Variants in SEPTIN14 observed in about 807,000 individuals in gnomAD.
SEPTIN14 encodes septin 14, also known as septin-14.
A neutral mutation model predicts 53.6 loss-of-function variants in SEPTIN14; 40 were observed. The observed-to-expected ratio is 0.75, with a 90% CI of 0.58 to 0.97. The LOEUF is 0.97. Ranked by LOEUF, SEPTIN14 falls within the 50% of genes least tolerant of loss-of-function variation. SEPTIN14 has a pLI of 0.00. For missense variants in SEPTIN14, 471 were observed against 508.2 expected, an observed-to-expected ratio of 0.93 and a Z score of 0.70; for synonymous variants, 138 against 166.8, an observed-to-expected ratio of 0.83 and a Z score of 1.33.
intron 2 of SEPTIN14, among the ~76,000 whole-genome samples, chr7:55,851,415 G>GT (rs572803494): frequency 1.3e-3 from 188 of 146,396 alleles, no homozygotes; most frequent in Middle Eastern, 3.6e-3. Flanking sequence ...ACTGCATGGA[G>GT]TTTTTTTTTT....
intron 7 of SEPTIN14, among the ~76,000 whole-genome samples, chr7:55,816,676 G>A (rs1250477489): frequency 4.0e-5 from 6 of 151,538 alleles, no homozygotes; most frequent in East Asian, 1.9e-4. Context: ...GCTTGGTGGC[G>A]CATGCCTGTA....
intron 6 of SEPTIN14, among the ~76,000 whole-genome samples, chr7:55,830,349 A>ATATATTTTTT (rs71015108): frequency 2.5e-4 from 14 of 56,836 alleles, no homozygotes; most frequent in East Asian, 6.1e-4. Context: ...ATATATATAT[A>ATATATTTTTT]TTTTTTTTTT....
At chr7:55,809,309 CTTTTTTTTTTT>C (rs780613537) in intron 7 of SEPTIN14, among the ~76,000 whole-genome samples, 22 of 88,672 alleles carry the variant, frequency 2.5e-4, no homozygotes, top group East Asian at 1.4e-3. Flanking sequence ...ACTATGCTTA[CTTTTTTTTTTT>C]TTTTTTTTTT....
intron 9 of SEPTIN14, among the ~76,000 whole-genome samples, chr7:55,799,374 C>T (rs1191452038): frequency 4.7e-5 from 7 of 147,922 alleles, no homozygotes; most frequent in Non-Finnish European, 1.0e-4. Context: ...AAAAATTAGC[C>T]ACGCCTTGTA....
At chr7:55,811,496 CTTT>C (rs1170803437) in intron 7 of SEPTIN14, 6,926 of 178,688 alleles carry the variant, frequency 0.039, no homozygotes, top group South Asian at 0.062. Flanking sequence ...TTTTACAGTT[CTTT>C]TTTTTTTTTT....
chr7:55,834,513 ATCTTAT>A lies in SEPTIN14; in HGVS notation c.626_631del (p.Asn209_Lys210del). On this transcript the variant is annotated inframe_deletion, in exon 6 of 10. Coordinates refer to ENST00000388975, the MANE Select transcript of SEPTIN14 (RefSeq NM_207366.3). Reference sequence around the variant, plus strand: ...GCCATTGCTAATCAATTCACTCATTATCTTATTCTTAAACGTCTGTAAATCATTTTT... The same window carrying A: ...GCCATTGCTAATCAATTCACTCATTATCTTAAACGTCTGTAAATCATTTTT... 5 of 1,612,062 alleles carry A rather than the reference ATCTTAT, an allele frequency of 3.1e-6. No homozygotes were observed. Among genetic ancestry groups the A allele is most frequent in the Non-Finnish European group, 4.2e-6 (5 of 1,178,168 alleles).
At chr7:55,847,855 T>C (rs1440158825) in intron 2 of SEPTIN14, among the ~76,000 whole-genome samples, 1 of 152,230 alleles carries the variant, frequency 6.6e-6, no homozygotes, top group African/African-American at 2.4e-5. Flanking sequence ...AGTTACCAAC[T>C]GATCATTTTT....
At chr7:55,822,113 C>T (rs1376911323) in intron 6 of SEPTIN14, among the ~76,000 whole-genome samples, 3 of 152,184 alleles carry the variant, frequency 2.0e-5, no homozygotes, top group Non-Finnish European at 4.4e-5. Context: ...CTGGGTCCCT[C>T]CCGAAACATG....
chr7:55,814,785 T>C (rs780709864), intron 7 of SEPTIN14, among the ~76,000 whole-genome samples: 14 of 152,126 alleles, frequency 9.2e-5, no homozygotes, highest in Non-Finnish European at 1.6e-4. Context: ...ACATTCTTCA[T>C]AGAAAAAGAA....
rs1024147406 is a variant in SEPTIN14 at position 55,846,551 on chromosome 7, G to A, written c.141C>T (p.Ile47=). The part of the protein sequence containing the change: ...CLPNQLVSRS[I]RQGFTFNILC... ...GAATATTAAAAGTGAATCCTTGTCG[G>A]ATAGATCTGCTCACCAACTGATTGG... Residue 47 remains isoleucine, a synonymous_variant, in exon 3 of 10, where the codon ATC becomes ATT. Coordinates refer to ENST00000388975, the MANE Select transcript of SEPTIN14 (RefSeq NM_207366.3). 6.3e-7 allele frequency: 1 copy of A among 1,597,740 alleles called. No homozygotes were observed. The highest frequency in any genetic ancestry group is 1.3e-5 in the African/African-American group (1 of 74,484).
chr7:55,821,128 G>T (rs924157189), intron 6 of SEPTIN14, among the ~76,000 whole-genome samples: 10 of 152,084 alleles, frequency 6.6e-5, no homozygotes, highest in Non-Finnish European at 1.0e-4. Flanking sequence ...CTAAGTCCTT[G>T]GCAAGTCTAT....
chr7:55,847,408 C>T (rs901384454), intron 2 of SEPTIN14, among the ~76,000 whole-genome samples: 2 of 152,084 alleles, frequency 1.3e-5, no homozygotes, highest in Non-Finnish European at 2.9e-5. Flanking sequence ...TATGATGAGG[C>T]TATGTCCCAA....
At chr7:55,813,198 C>T (rs1207738809) in intron 7 of SEPTIN14, among the ~76,000 whole-genome samples, 7 of 152,166 alleles carry the variant, frequency 4.6e-5, no homozygotes, top group Admixed American at 3.3e-4. Flanking sequence ...GATCCACCCG[C>T]CTTGGCCTCC....
chr7:55,821,194 C>T (rs1788888080), intron 6 of SEPTIN14, among the ~76,000 whole-genome samples: 1 of 152,086 alleles, frequency 6.6e-6, no homozygotes, highest in African/African-American at 2.4e-5. Context: ...AATAGGGGCC[C>T]TGCCTTGGAT....
chr7:55,802,023 G>A (rs1286181993), intron 9 of SEPTIN14, among the ~76,000 whole-genome samples: 4 of 141,290 alleles, frequency 2.8e-5, no homozygotes, highest in East Asian at 2.5e-4. Flanking sequence ...TCTATGAGAC[G>A]GAGTCTTGCT....
At chr7:55,805,711 G>C (rs185164080) in intron 8 of SEPTIN14, among the ~76,000 whole-genome samples, 1 of 152,142 alleles carries the variant, frequency 6.6e-6, no homozygotes, top group East Asian at 1.9e-4. Context: ...AGAGTATATA[G>C]ACAGTATATG....
Position 55,798,680 on chromosome 7 carries a change from T to C in SEPTIN14, c.1120-2588A>G, listed in dbSNP as rs527824087. 257 of 292,380 alleles carry C rather than the reference T, an allele frequency of 8.8e-4. 3 individuals carry two copies. The highest frequency in any genetic ancestry group is 5.0e-3 in the African/African-American group (225 of 44,674). 18.1% of individuals were successfully genotyped at this position (292,380 alleles called of 1,614,324 possible). ...ACCAGGCTCTGGCAGGGCCCACCAG[T>C]GTCACCCCAACCAGGACAACTGGAC... On this transcript the variant is annotated intron_variant, in intron 9 of 9. Transcript: ENST00000388975.
At chr7:55,799,226 C>T (rs1176318509) in intron 9 of SEPTIN14, among the ~76,000 whole-genome samples, 4 of 151,770 alleles carry the variant, frequency 2.6e-5, no homozygotes, top group African/African-American at 9.7e-5. Context: ...AAAAACATGG[C>T]TGGGCGCAGT....
intron 5 of SEPTIN14, among the ~76,000 whole-genome samples, chr7:55,838,523 TC>T (rs1351506337): frequency 1.4e-5 from 1 of 73,094 alleles, no homozygotes; most frequent in Admixed American, 2.0e-4. Flanking sequence ...CCTCCCTCCC[TC>T]CCCCCTCCCT....
Sources: allele counts gnomAD v4.1 joint callset (sites outside exome capture counted in the v4.1 genomes callset), GRCh38; gene constraint gnomAD v4.1.1; transcripts MANE v1.5; gene names NCBI Gene and HGNC (gene_info 2026-07-23, HGNC 2026-07-21).